The following ACO2 variants were observed in gnomAD, a reference collection of about 807,000 sequenced individuals.
ACO2 encodes aconitate hydratase, mitochondrial.
ACO2 carries 31 observed loss-of-function variants against 84.5 expected under a neutral mutation model. That is an observed-to-expected ratio of 0.37 (90% CI 0.28 to 0.50). The LOEUF (loss-of-function observed/expected upper bound fraction) is 0.50. Among genes scored for constraint, ACO2 ranks in the 20% least tolerant of loss-of-function variants. The pLI is 0.97. For missense variants in ACO2, 685 were observed against 1,029.3 expected, an observed-to-expected ratio of 0.67 and a Z score of 4.58; for synonymous variants, 414 against 412.7, an observed-to-expected ratio of 1.00 and a Z score of -0.04.
At chr22:41,524,588 G>A (rs544787355) in intron 12 of ACO2, among the ~76,000 whole-genome samples, 2 of 152,266 alleles carry the variant, frequency 1.3e-5, no homozygotes, top group African/African-American at 2.4e-5. Flanking sequence ...TGTGAGGAGA[G>A]AGAACAGCAC....
At chr22:41,502,399 G>T (rs1415090366) in intron 2 of ACO2, among the ~76,000 whole-genome samples, 1 of 152,172 alleles carries the variant, frequency 6.6e-6, no homozygotes, top group Non-Finnish European at 1.5e-5. Context: ...AATGTGAGAA[G>T]CACTGGCCCG....
Position 41,527,918 on chromosome 22 carries a change from CAG to C in ACO2, c.2105_2106del (p.Gln702ArgfsTer9), listed in dbSNP as rs1555890974. On this transcript the variant is annotated frameshift_variant, in exon 17 of 18. Transcript: ENST00000216254. LOFTEE classifies it high-confidence loss of function. ...CTTTCCAGAGACCAACCTGAAGAAACAGGGCCTGCTGCCTCTGACCTTCGCTG... is the reference window on the plus strand; with the variant it reads ...CTTTCCAGAGACCAACCTGAAGAAACGGCCTGCTGCCTCTGACCTTCGCTG... ...ARIHETNLKKQGLLPLTFADP... is the reference protein window; with the variant it reads ...ARIHETNLKKXGLLPLTFADP... 6.2e-7 allele frequency: 1 copy of C among 1,614,186 alleles called. No individual in the cohort carries two copies. The highest frequency in any genetic ancestry group is 8.5e-7 in the Non-Finnish European group (1 of 1,180,026).
intron 1 of ACO2, among the ~76,000 whole-genome samples, chr22:41,484,723 C>G (rs1456476920): frequency 6.6e-6 from 1 of 152,100 alleles, no homozygotes; most frequent in Admixed American, 6.5e-5. Context: ...TTATTTCATG[C>G]CTCACAGTAA....
At position 41,499,848 on chromosome 22, in the gene ACO2, C is replaced by T; in HGVS notation, c.159C>T (p.Asn53=). 1 of 1,614,092 alleles carries T rather than the reference C, an allele frequency of 6.2e-7. No homozygotes were observed. Among genetic ancestry groups the T allele is most frequent in the Non-Finnish European group, 8.5e-7 (1 of 1,179,982 alleles). ...ATGACCTGCTAGAGAAGAACATTAA[C>T]ATTGTTCGCAAACGGTAAGGCTGCA... ...IHYDLLEKNI[N]IVRKRLNRPL... is the part of the protein sequence containing the mutation. The change falls in exon 2 of 18, where the codon AAC becomes AAT. Residue 53 remains asparagine (N), a synonymous_variant. Coordinates refer to ENST00000216254, the MANE Select transcript of ACO2 (RefSeq NM_001098.3).
At chr22:41,518,630 G>T in intron 8 of ACO2, 58 bp downstream of exon 8, 2 of 1,352,662 alleles carry the variant, frequency 1.5e-6, no homozygotes, top group Admixed American at 3.4e-5. Context: ...GAGCAGGGCG[G>T]GTCCTGCCTA....
At chr22:41,471,747 T>C (rs1475516035) in intron 1 of ACO2, among the ~76,000 whole-genome samples, 1 of 152,220 alleles carries the variant, frequency 6.6e-6, no homozygotes, top group African/African-American at 2.4e-5. Flanking sequence ...TATCTTACTG[T>C]GTATGACTAA....
rs113094292 is a variant in ACO2 at position 41,475,012 on chromosome 22, G to A, written c.36+5830G>A. Among the ~76,000 whole-genome samples the A allele has an allele frequency of 1.2e-3, 190 of 152,016 alleles. 3 individuals carry two copies. Among genetic ancestry groups the A allele is most frequent in the African/African-American group, 4.4e-3 (182 of 41,464 alleles). On this transcript the variant is annotated intron_variant, in intron 1 of 17. Transcript: ENST00000216254. Reference sequence around the variant, plus strand: ...AGGTGAGAAAGCCAGATGACGTCAAGTGTCTTACCCAGGGGCCCTCACTTG... The same window carrying A: ...AGGTGAGAAAGCCAGATGACGTCAAATGTCTTACCCAGGGGCCCTCACTTG...
chr22:41,498,824 TG>T (rs1286084286), intron 1 of ACO2, among the ~76,000 whole-genome samples: 1 of 152,154 alleles, frequency 6.6e-6, no homozygotes, highest in Non-Finnish European at 1.5e-5. Flanking sequence ...CTGGGCACGG[TG>T]GCTCATGCCT....
chr22:41,505,669 A>T (rs1379412683), intron 2 of ACO2, among the ~76,000 whole-genome samples: 1 of 152,146 alleles, frequency 6.6e-6, no homozygotes, highest in Non-Finnish European at 1.5e-5. Context: ...AATGAGTTTT[A>T]TACATGAAAA....
Position 41,505,618 on chromosome 22 carries a change from C to T in ACO2, c.174-2173C>T, listed in dbSNP as rs1171091974. The stretch of plus-strand genomic sequence containing the variant: ...GTGGTCTGGAGCAAAGCTACTCTGT[C>T]CCTCTGTGCTGCAGCTTCCTCATCT... On this transcript the variant is annotated intron_variant, in intron 2 of 17. Transcript: ENST00000216254. 2.0e-5 allele frequency among the ~76,000 whole-genome samples: 3 copies of T among 152,212 alleles called. No individual in the cohort carries two copies. The East Asian group carries it at 5.8e-4, about 29-fold the overall frequency.
chr22:41,488,510 C>A (rs1359510589), intron 1 of ACO2, among the ~76,000 whole-genome samples: 1 of 152,192 alleles, frequency 6.6e-6, no homozygotes, highest in African/African-American at 2.4e-5. Context: ...AGGGATCATT[C>A]TCCCTGTTTT....
rs926246283 is a variant in ACO2 at position 41,504,711 on chromosome 22, C to CTTTTTTTTTTTTTTTTTTTTT, written c.174-3070_174-3050dup. On this transcript the variant is annotated intron_variant, in intron 2 of 17. Coordinates refer to ENST00000216254, the MANE Select transcript of ACO2 (RefSeq NM_001098.3). ...GCCAGCAGATCCAGCACCTTAGGGA[C>CTTTTTTTTTTTTTTTTTTTTT]TTTTTTTTTTTTTTTTTTTTTTTTT... Among the ~76,000 whole-genome samples the CTTTTTTTTTTTTTTTTTTTTT allele has an allele frequency of 2.3e-4, 11 of 48,604 alleles. 4 individuals carry two copies. The highest frequency in any genetic ancestry group is 5.4e-4 in the African/African-American group (7 of 12,910). 31.9% of individuals were successfully genotyped at this position (48,604 alleles called of 152,430 possible). A position where few individuals can be genotyped will look rare whatever the true frequency, so the allele number is the denominator to read the frequency against.
intron 9 of ACO2, 67 bp downstream of exon 9, chr22:41,520,343 C>T: frequency 7.7e-7 from 1 of 1,296,266 alleles, no homozygotes; most frequent in South Asian, 1.3e-5. Context: ...GGGCTGTAGA[C>T]AATCACCTAT....
In ACO2 at chr22:41,504,711, CTTTTTTTTTTTTT is replaced by C. The variant is rs926246283; in HGVS notation, c.174-3062_174-3050del. 3.2e-3 allele frequency among the ~76,000 whole-genome samples: 155 copies of C among 48,590 alleles called. 3 individuals are homozygous for C. The highest frequency in any genetic ancestry group is 0.014 in the Middle Eastern group (1 of 70). 31.9% of individuals were successfully genotyped at this position (48,590 alleles called of 152,430 possible). The stretch of plus-strand genomic sequence containing the variant: ...GCCAGCAGATCCAGCACCTTAGGGA[CTTTTTTTTTTTTT>C]TTTTTTTTTTTTTTTTTGAGGTAGG... On this transcript the variant is annotated intron_variant, in intron 2 of 17. Coordinates refer to ENST00000216254, the MANE Select transcript of ACO2 (RefSeq NM_001098.3).
intron 8 of ACO2, among the ~76,000 whole-genome samples, 199 bp downstream of exon 8, chr22:41,518,771 TAAA>T (rs760530687): frequency 2.4e-5 from 3 of 124,874 alleles, no homozygotes; most frequent in Non-Finnish European, 3.5e-5. Context: ...CCGTCTCTAC[TAAA>T]AAAAAAAAAA....
chr22:41,482,688 A>C (rs1000274792), intron 1 of ACO2, among the ~76,000 whole-genome samples: 3 of 152,202 alleles, frequency 2.0e-5, no homozygotes. Flanking sequence ...GTTCCAAAGG[A>C]TAGGACTAGG....
intron 1 of ACO2, among the ~76,000 whole-genome samples, chr22:41,473,111 T>TAGG (rs1275970313): frequency 2.6e-5 from 4 of 152,192 alleles, no homozygotes; most frequent in Admixed American, 6.5e-5. Flanking sequence ...AATTGGTAAA[T>TAGG]AAGCTTCCAT....
At chr22:41,521,138 A>G (rs2066523354) in intron 9 of ACO2, among the ~76,000 whole-genome samples, 1 of 152,202 alleles carries the variant, frequency 6.6e-6, no homozygotes, top group South Asian at 2.1e-4. Context: ...ATCAAGAAGA[A>G]TTTTTAAAAC....
intron 1 of ACO2, among the ~76,000 whole-genome samples, chr22:41,475,851 T>C (rs1204090823): frequency 6.8e-6 from 1 of 147,746 alleles, no homozygotes; most frequent in African/African-American, 2.5e-5. Context: ...TGAGCCGAGA[T>C]CGCGCCACTG....
Sources: allele counts gnomAD v4.1 joint callset (sites outside exome capture counted in the v4.1 genomes callset), GRCh38; gene constraint gnomAD v4.1.1; transcripts MANE v1.5; gene names NCBI Gene and HGNC (gene_info 2026-07-23, HGNC 2026-07-21).